Variants in KMO observed in about 807,000 individuals in gnomAD.
The protein encoded by KMO is kynurenine 3-hydroxylase.
A neutral mutation model predicts 57.8 loss-of-function variants in KMO; 24 were observed. The ratio of observed to expected loss-of-function variants is 0.42; its 90% CI spans 0.30 to 0.58. The LOEUF is 0.58. KMO is among the 20% of genes least tolerant of loss of function. The pLI is 0.22. For missense variants in KMO, 483 were observed against 588.2 expected, an observed-to-expected ratio of 0.82 and a Z score of 1.85; for synonymous variants, 210 against 193.6, an observed-to-expected ratio of 1.08 and a Z score of -0.70.
Position 241,594,471 on chromosome 1 carries a change from G to A in KMO, c.*2318G>A. The stretch of plus-strand genomic sequence containing the variant: ...GATTACATCAACTTTGGACCCATTG[G>A]TTTTGTCGCTGTCGTCAACTGACAG... On this transcript the variant is annotated 3_prime_UTR_variant, in exon 15 of 15. Transcript: ENST00000366559. 1 of 1,614,106 alleles carries A rather than the reference G, an allele frequency of 6.2e-7. No individual in the cohort carries two copies. Among genetic ancestry groups the A allele is most frequent in the Non-Finnish European group, 8.5e-7 (1 of 1,179,990 alleles).
chr1:241,581,287 C>G (rs1023578265), intron 10 of KMO, among the ~76,000 whole-genome samples: 6 of 152,006 alleles, frequency 3.9e-5, no homozygotes, highest in Non-Finnish European at 2.9e-5. Flanking sequence ...TCCAACTGCT[C>G]TATGTATTTT....
At chr1:241,551,456 G>T (rs1161071160) in intron 4 of KMO, among the ~76,000 whole-genome samples, 2 of 151,970 alleles carry the variant, frequency 1.3e-5, no homozygotes, top group Non-Finnish European at 1.5e-5. Context: ...CTCAAAATTG[G>T]GCTTATAATA....
chr1:241,572,204 A>G (rs1443150791), intron 10 of KMO, among the ~76,000 whole-genome samples: 1 of 152,110 alleles, frequency 6.6e-6, no homozygotes, highest in African/African-American at 2.4e-5. Flanking sequence ...GAATTCAGCA[A>G]TGAACCCATC....
At chr1:241,562,358 C>T (rs770616994) in intron 7 of KMO, 26 bp downstream of exon 7, 14 of 1,611,036 alleles carry the variant, frequency 8.7e-6, no homozygotes. Flanking sequence ...TTTTCAACCC[C>T]TTCCCACAAC....
intron 10 of KMO, among the ~76,000 whole-genome samples, chr1:241,584,200 A>G (rs1008367875): frequency 1.3e-5 from 2 of 151,994 alleles, no homozygotes; most frequent in African/African-American, 4.8e-5. Context: ...TCATTGTTCA[A>G]TTCCCACCTA....
At chr1:241,576,955 G>C (rs960731479) in intron 10 of KMO, among the ~76,000 whole-genome samples, 2 of 151,566 alleles carry the variant, frequency 1.3e-5, no homozygotes, top group Non-Finnish European at 2.9e-5. Flanking sequence ...TCTTTATTTT[G>C]TCTGATTGGG....
chr1:241,541,640 A>G (rs1039289578), intron 1 of KMO, among the ~76,000 whole-genome samples: 1 of 152,216 alleles, frequency 6.6e-6, no homozygotes, highest in Non-Finnish European at 1.5e-5. Flanking sequence ...TCCAGATGAC[A>G]CAGATTAGAG....
At chr1:241,533,559 C>T (rs114636733) in intron 1 of KMO, among the ~76,000 whole-genome samples, 3 of 152,118 alleles carry the variant, frequency 2.0e-5, no homozygotes, top group Non-Finnish European at 2.9e-5. Context: ...GGACATGTGT[C>T]GTCACTGCTT....
Position 241,553,806 on chromosome 1 carries a change from G to A in KMO, c.313-1806G>A, listed in dbSNP as rs142926848. On this transcript the variant is annotated intron_variant, in intron 4 of 14. Coordinates refer to ENST00000366559, the MANE Select transcript of KMO (RefSeq NM_003679.5). ...CAGTCTATTAATAACCTAGCTTTGA[G>A]GCAGAGAATGAAGATGTTTCTGTTC... Among the ~76,000 whole-genome samples, 378 of 152,270 alleles carry A rather than the reference G, an allele frequency of 2.5e-3. 2 individuals carry two copies. The highest frequency in any genetic ancestry group is 8.6e-3 in the African/African-American group (357 of 41,554).
rs188849402 is a variant in KMO at position 241,543,210 on chromosome 1, C to T, written c.55-5619C>T. 4.2e-4 allele frequency among the ~76,000 whole-genome samples: 64 copies of T among 152,162 alleles called. 1 individual carries two copies. Among genetic ancestry groups the T allele is most frequent in the Admixed American group, 2.6e-4 (4 of 15,270 alleles). ...TGACTTCATCAACTCTGTACTCGTC[C>T]CCCACCCATTAGAAGCATTATGCCA... On this transcript the variant is annotated intron_variant, in intron 1 of 14. Coordinates refer to ENST00000366559, the MANE Select transcript of KMO (RefSeq NM_003679.5).
In KMO at chr1:241,532,734, G is replaced by T. The variant is rs113279862; in HGVS notation, c.54+236G>T. On this transcript the variant is annotated intron_variant, in intron 1 of 14. Coordinates refer to ENST00000366559, the MANE Select transcript of KMO (RefSeq NM_003679.5). The stretch of plus-strand genomic sequence containing the variant: ...TATTTTATAGCCATTAAATACAAAG[G>T]TTTCTGTTTTCCCTCATCATTTTGG... Among the ~76,000 whole-genome samples the T allele has an allele frequency of 6.2e-3, 937 of 151,888 alleles. 13 individuals are homozygous for T. Among genetic ancestry groups the T allele is most frequent in the African/African-American group, 0.021 (864 of 41,402 alleles).
chr1:241,549,844 T>C (rs968500489), intron 3 of KMO, 70 bp downstream of exon 3: 10 of 953,436 alleles, frequency 1.0e-5, no homozygotes, highest in Non-Finnish European at 1.3e-5. Context: ...TTTGATTTCA[T>C]CCTGGCTTAA....
chr1:241,584,067 T>C (rs185361186), intron 10 of KMO, among the ~76,000 whole-genome samples: 1 of 152,290 alleles, frequency 6.6e-6, no homozygotes. Flanking sequence ...GCCATGTTGG[T>C]GTGCTGCACC....
intron 1 of KMO, among the ~76,000 whole-genome samples, chr1:241,541,194 A>G (rs1450993451): frequency 6.6e-6 from 1 of 152,206 alleles, no homozygotes; most frequent in Non-Finnish European, 1.5e-5. Flanking sequence ...ATGTAAGGAC[A>G]GAGCTGTGGG....
chr1:241,591,104 G>A (rs917158321), intron 14 of KMO, among the ~76,000 whole-genome samples: 1 of 152,122 alleles, frequency 6.6e-6, no homozygotes, highest in Admixed American at 6.6e-5. Context: ...AAGAAATCAA[G>A]GTTTATCTGT....
chr1:241,592,861 T>C lies in KMO; in HGVS notation c.*708T>C, dbSNP rs1663370490. 6.4e-6 allele frequency: 1 copy of C among 155,240 alleles called. No homozygotes were observed. Among genetic ancestry groups the C allele is most frequent in the African/African-American group, 2.4e-5 (1 of 41,386 alleles). The allele number at this position is 155,240 out of a possible 1,614,324, so 9.6% of individuals were successfully genotyped here. On this transcript the variant is annotated 3_prime_UTR_variant, in exon 15 of 15. Transcript: ENST00000366559. The stretch of plus-strand genomic sequence containing the variant: ...TGTTGACCAGGCTGGAGTGCAGTGG[T>C]GAGATCTGGGTTCACTGCAACCTCT...
At chr1:241,571,061 TG>T (rs2147969453) in intron 10 of KMO, among the ~76,000 whole-genome samples, 1 of 152,276 alleles carries the variant, frequency 6.6e-6, no homozygotes, top group South Asian at 2.1e-4. Context: ...ATTACCTTCC[TG>T]GTTTCTTTTT....
At position 241,594,185 on chromosome 1, in the gene KMO, T is replaced by C; in HGVS notation, c.*2032T>C. ...CCAACACATTAGAAGATGATGATGT[T>C]AGATGCCCATCGTGTGCCACAAGTG... On this transcript the variant is annotated 3_prime_UTR_variant, in exon 15 of 15. Transcript: ENST00000366559. 4.5e-6 allele frequency: 2 copies of C among 443,710 alleles called. No homozygotes were observed. The allele number at this position is 443,710 out of a possible 1,614,324, so 27.5% of individuals were successfully genotyped here. A position where few individuals can be genotyped will look rare whatever the true frequency, so the allele number is the denominator to read the frequency against.
chr1:241,562,890 G>A (rs577264065), intron 7 of KMO, among the ~76,000 whole-genome samples: 1 of 85,274 alleles, frequency 1.2e-5, no homozygotes, highest in Non-Finnish European at 2.6e-5. Context: ...AAGGAAGGAA[G>A]GAAGGAAGGA....
Sources: allele counts gnomAD v4.1 joint callset (sites outside exome capture counted in the v4.1 genomes callset), GRCh38; gene constraint gnomAD v4.1.1; transcripts MANE v1.5; gene names NCBI Gene and HGNC (gene_info 2026-07-23, HGNC 2026-07-21).